Variants in LATS1 observed in about 807,000 individuals in gnomAD.
The protein encoded by LATS1 is large tumor suppressor kinase 1.
In LATS1, 25 loss-of-function variants were observed where a neutral mutation model predicts 106.6. The ratio of observed to expected loss-of-function variants is 0.23; its 90% CI spans 0.17 to 0.33. The LOEUF is 0.33. Among genes scored for constraint, LATS1 ranks in the 10% least tolerant of loss-of-function variants. The probability of loss-of-function intolerance (pLI) is 1.00; values close to 1 mark genes in which losing one functional copy is unlikely to be tolerated. For synonymous variants in LATS1, 465 were observed against 455.6 expected, an observed-to-expected ratio of 1.02 and a Z score of -0.26; for missense variants, 1,040 against 1,382.6, an observed-to-expected ratio of 0.75 and a Z score of 3.93.
chr6:149,697,553 T>C (rs1315230486), intron 2 of LATS1, among the ~76,000 whole-genome samples: 1 of 152,224 alleles, frequency 6.6e-6, no homozygotes, highest in African/African-American at 2.4e-5. Context: ...AAACCAAATA[T>C]GTGTAAATGT....
At chr6:149,712,642 T>C (rs1396845771) in intron 1 of LATS1, among the ~76,000 whole-genome samples, 4 of 152,034 alleles carry the variant, frequency 2.6e-5, no homozygotes, top group Non-Finnish European at 4.4e-5. Context: ...TGAGCCACCA[T>C]GCCCGGCCAG....
chr6:149,688,053 T>G (rs1365624619), intron 3 of LATS1, among the ~76,000 whole-genome samples: 1 of 151,242 alleles, frequency 6.6e-6, no homozygotes, highest in African/African-American at 2.4e-5. Context: ...GTTTTTGTAT[T>G]TTTAGTAGAG....
intron 1 of LATS1, among the ~76,000 whole-genome samples, chr6:149,704,887 T>TACACACACACACACACACACACACACAC (rs57029776): frequency 7.2e-6 from 1 of 139,798 alleles, no homozygotes; most frequent in African/African-American, 2.7e-5. Flanking sequence ...AAATTAATTA[T>TACACACACACACACACACACACACACAC]ACACACACAC....
chr6:149,716,772 C>A (rs1003487239), intron 1 of LATS1, among the ~76,000 whole-genome samples: 2 of 152,130 alleles, frequency 1.3e-5, no homozygotes, highest in Non-Finnish European at 2.9e-5. Flanking sequence ...AATGCTACTT[C>A]TTTTACTGTT....
At chr6:149,667,150 C>T (rs1287518935) in intron 7 of LATS1, among the ~76,000 whole-genome samples, 1 of 151,748 alleles carries the variant, frequency 6.6e-6, no homozygotes, top group Non-Finnish European at 1.5e-5. Context: ...TAGGTTGATA[C>T]TGGCTGTGCA....
At chr6:149,686,192 T>A (rs1782366039) in intron 3 of LATS1, among the ~76,000 whole-genome samples, 1 of 152,186 alleles carries the variant, frequency 6.6e-6, no homozygotes, top group Non-Finnish European at 1.5e-5. Flanking sequence ...AATGTTCAGT[T>A]TAACACTCCC....
chr6:149,702,659 ATTTATTTTTATTTT>A lies in LATS1; in HGVS notation c.-140-407_-140-394del, dbSNP rs1364148941. ...CTTTAGAAGGGTATTGTTGCTTTAAATTTATTTTTATTTTTTTATTTTTATTTTTTGAGATGGAG... is the reference window on the plus strand; with the variant it reads ...CTTTAGAAGGGTATTGTTGCTTTAAATTTATTTTTATTTTTTGAGATGGAG... On this transcript the variant is annotated intron_variant, in intron 1 of 7. Coordinates refer to ENST00000543571, the MANE Select transcript of LATS1 (RefSeq NM_004690.4). 1.1e-4 allele frequency among the ~76,000 whole-genome samples: 16 copies of A among 152,038 alleles called. No homozygotes were observed. In the South Asian group the frequency reaches 1.9e-3, roughly 18 times the overall value.
intron 3 of LATS1, among the ~76,000 whole-genome samples, chr6:149,684,974 G>A (rs1215282604): frequency 6.6e-6 from 1 of 151,844 alleles, no homozygotes; most frequent in South Asian, 2.1e-4. Context: ...GGTGGCTCAC[G>A]CCTGTAATCC....
chr6:149,677,058 C>CT (rs879816303), intron 5 of LATS1, among the ~76,000 whole-genome samples: 55 of 152,290 alleles, frequency 3.6e-4, no homozygotes, highest in Middle Eastern at 3.4e-3. Context: ...TCTGGACAAA[C>CT]TTTCAAACAA....
chr6:149,675,608 G>A (rs984642654), intron 7 of LATS1: 1 of 152,270 alleles, frequency 6.6e-6, no homozygotes, highest in South Asian at 2.1e-4. Flanking sequence ...CCAGGGTGGA[G>A]TGCGATGGCA....
intron 7 of LATS1, among the ~76,000 whole-genome samples, chr6:149,662,453 A>G (rs917195356): frequency 2.0e-5 from 3 of 152,100 alleles, no homozygotes; most frequent in Non-Finnish European, 4.4e-5. Flanking sequence ...CTCCCCTAGT[A>G]AACCTTTTGG....
At position 149,661,901 on chromosome 6, in the gene LATS1, G is replaced by C; in HGVS notation, c.3221C>G (p.Ala1074Gly). The C allele has an allele frequency of 6.2e-7, 1 of 1,613,938 alleles. No homozygotes were observed. Among genetic ancestry groups the C allele is most frequent in the Non-Finnish European group, 8.5e-7 (1 of 1,179,924 alleles). ...WYKNGKHPEH[A>G]FYEFTFRRFF... ...CCTTCGGAAGGTAAATTCATAGAATGCATGTTCAGGATGCTTTCCATTTTT... is the reference window on the plus strand; with the variant it reads ...CCTTCGGAAGGTAAATTCATAGAATCCATGTTCAGGATGCTTTCCATTTTT... Residue 1074 changes from alanine to glycine, a missense_variant, in exon 8 of 8, where the codon GCA (alanine) becomes GGA (glycine). Ala to Gly is a moderately conservative substitution (Grantham distance 60, BLOSUM62 0). Transcript: ENST00000543571.
At chr6:149,687,746 T>A (rs1351496346) in intron 3 of LATS1, among the ~76,000 whole-genome samples, 1 of 151,848 alleles carries the variant, frequency 6.6e-6, no homozygotes, top group African/African-American at 2.4e-5. Context: ...TTTTAAAACT[T>A]TTTGTAGAGA....
chr6:149,675,407 G>A (rs184326232), intron 7 of LATS1, among the ~76,000 whole-genome samples: 3 of 152,224 alleles, frequency 2.0e-5, no homozygotes, highest in African/African-American at 7.2e-5. Context: ...GGTCAAAATT[G>A]TGGGTAACTT....
intron 7 of LATS1, among the ~76,000 whole-genome samples, chr6:149,672,897 T>C (rs368938051): frequency 1.3e-4 from 20 of 151,828 alleles, no homozygotes; most frequent in African/African-American, 3.4e-4. Context: ...TGAGCCAAGA[T>C]AGCACCATTG....
intron 7 of LATS1, among the ~76,000 whole-genome samples, chr6:149,671,934 G>C (rs1276530689): frequency 6.6e-6 from 1 of 151,680 alleles, no homozygotes; most frequent in Non-Finnish European, 1.5e-5. Context: ...TGTTGCCCAG[G>C]CTGGAGTACA....
At chr6:149,703,649 A>G (rs1272425402) in intron 1 of LATS1, among the ~76,000 whole-genome samples, 1 of 152,054 alleles carries the variant, frequency 6.6e-6, no homozygotes, top group African/African-American at 2.4e-5. Context: ...GGACTGCTTG[A>G]GCTCAGGAAT....
chr6:149,694,062 C>T (rs1439881265), intron 3 of LATS1, among the ~76,000 whole-genome samples: 1 of 152,010 alleles, frequency 6.6e-6, no homozygotes, highest in East Asian at 1.9e-4. Flanking sequence ...TGTACTCCAG[C>T]CTGGGCAACA....
At chr6:149,701,332 G>A (rs1783450651) in intron 2 of LATS1, among the ~76,000 whole-genome samples, 1 of 152,140 alleles carries the variant, frequency 6.6e-6, no homozygotes, top group Non-Finnish European at 1.5e-5. Context: ...TTTAAGATTT[G>A]GGCCTGAGAA....
Sources: allele counts gnomAD v4.1 joint callset (sites outside exome capture counted in the v4.1 genomes callset), GRCh38; gene constraint gnomAD v4.1.1; transcripts MANE v1.5; gene names NCBI Gene and HGNC (gene_info 2026-07-23, HGNC 2026-07-21).